PUDP: variants seen among roughly 807,000 people sequenced by gnomAD.
The protein encoded by PUDP is pseudouridine-5'-phosphatase.
PUDP carries 8 observed loss-of-function variants against 9.4 expected under a neutral mutation model. That is an observed-to-expected ratio of 0.85 (90% CI 0.50 to 1.53). PUDP has a LOEUF of 1.53. PUDP is among the 40% of genes most tolerant of loss of function. The pLI is 0.00. For missense variants in PUDP, 188 were observed against 189.7 expected, an observed-to-expected ratio of 0.99 and a Z score of 0.05; for synonymous variants, 99 against 80.7, an observed-to-expected ratio of 1.23 and a Z score of -1.22.
At chrX:6,939,802 A>G (rs1320324273) in intron 3 of PUDP, among the ~76,000 whole-genome samples, 1 of 108,161 alleles carries the variant, frequency 9.2e-6, no homozygotes, top group East Asian at 2.9e-4. Flanking sequence ...CAGGAGGGTC[A>G]AGGCCTGCAC....
chrX:7,016,039 G>A (rs1178344223), intron 1 of PUDP, among the ~76,000 whole-genome samples: 2 of 109,877 alleles, frequency 1.8e-5, no homozygotes, highest in African/African-American at 6.7e-5. Context: ...CAGGGAGAAT[G>A]GGACTCAGAA....
chrX:7,076,559 G>A (rs889189913), intron 3 of PUDP, among the ~76,000 whole-genome samples: 4 of 111,597 alleles, frequency 3.6e-5, no homozygotes, highest in African/African-American at 1.3e-4. Context: ...CTCTCTAAAC[G>A]CTCTGCCCAG....
intron 3 of PUDP, among the ~76,000 whole-genome samples, chrX:6,839,376 A>G (rs1220655446): frequency 9.0e-5 from 10 of 111,217 alleles, no homozygotes; most frequent in African/African-American, 2.3e-4. Context: ...GATCATCTGT[A>G]GGCACTGCCC....
At chrX:6,998,023 A>G (rs1276139423) in intron 1 of PUDP, among the ~76,000 whole-genome samples, 1 of 112,061 alleles carries the variant, frequency 8.9e-6, no homozygotes, top group Admixed American at 9.4e-5. Flanking sequence ...CTTTGGAGCT[A>G]AAATAATTGA....
chrX:6,804,162 C>T (rs1242208554), intron 3 of PUDP, among the ~76,000 whole-genome samples: 2 of 111,200 alleles, frequency 1.8e-5, no homozygotes, highest in African/African-American at 3.3e-5. Context: ...AATGCACACA[C>T]GCAGACACCA....
intron 3 of PUDP, among the ~76,000 whole-genome samples, chrX:6,762,484 G>C (rs1388610763): frequency 1.8e-5 from 2 of 111,825 alleles, no homozygotes; most frequent in Non-Finnish European, 3.8e-5. Flanking sequence ...ATAGAACTTT[G>C]AAAAATGTCA....
At chrX:6,916,676 A>T (rs1424806301) in intron 3 of PUDP, among the ~76,000 whole-genome samples, 1 of 111,679 alleles carries the variant, frequency 9.0e-6, no homozygotes, top group Non-Finnish European at 1.9e-5. Flanking sequence ...GCAGGAAGAT[A>T]AGGTGAAGCT....
intron 3 of PUDP, among the ~76,000 whole-genome samples, chrX:6,829,015 G>A (rs1023236120): frequency 6.3e-5 from 7 of 110,701 alleles, no homozygotes; most frequent in African/African-American, 2.3e-4. Flanking sequence ...GATGTTAGGA[G>A]GTTGGAGTTT....
At chrX:6,769,895 G>C (rs1029087066) in intron 3 of PUDP, among the ~76,000 whole-genome samples, 3 of 111,886 alleles carry the variant, frequency 2.7e-5, no homozygotes, top group African/African-American at 9.7e-5. Flanking sequence ...TGCACTGTGG[G>C]GTCTGAACAA....
chrX:7,065,903 C>T (rs758744829), intron 3 of PUDP, among the ~76,000 whole-genome samples: 8 of 112,060 alleles, frequency 7.1e-5, no homozygotes, highest in Non-Finnish European at 1.3e-4. Context: ...AGAAACAATG[C>T]CCAAATTTGC....
chrX:6,814,988 A>T (rs1163548576), intron 3 of PUDP, among the ~76,000 whole-genome samples: 1 of 109,928 alleles, frequency 9.1e-6, no homozygotes. Flanking sequence ...TCTCCTTTAA[A>T]CTCCAGGTTC....
intron 3 of PUDP, among the ~76,000 whole-genome samples, chrX:6,811,185 G>C: frequency 9.0e-6 from 1 of 111,627 alleles, no homozygotes; most frequent in Non-Finnish European, 1.9e-5. Flanking sequence ...CACTTGCACT[G>C]ACGAAGTTCT....
chrX:7,122,498 G>A (rs1439165964), intron 1 of PUDP, among the ~76,000 whole-genome samples: 1 of 111,450 alleles, frequency 9.0e-6, no homozygotes, highest in Non-Finnish European at 1.9e-5. Flanking sequence ...CTCAGACCCT[G>A]TAGATGCTGA....
At chrX:6,825,757 T>G (rs966236988) in intron 3 of PUDP, among the ~76,000 whole-genome samples, 3 of 111,068 alleles carry the variant, frequency 2.7e-5, no homozygotes, top group African/African-American at 9.8e-5. Context: ...TCTCCCATCC[T>G]GAATGCAAGC....
At chrX:6,820,046 T>G (rs1926314984) in intron 3 of PUDP, among the ~76,000 whole-genome samples, 1 of 108,525 alleles carries the variant, frequency 9.2e-6, no homozygotes, top group Non-Finnish European at 1.9e-5. Context: ...TTAATTGGAC[T>G]TAGAGTTCCA....
At chrX:6,893,029 T>C (rs1927538352) in intron 3 of PUDP, among the ~76,000 whole-genome samples, 1 of 112,351 alleles carries the variant, frequency 8.9e-6, no homozygotes. Context: ...ATTTTTGCTA[T>C]GTCATTGGGG....
intron 2 of PUDP, among the ~76,000 whole-genome samples, chrX:7,102,322 A>G (rs1931760088): frequency 9.1e-6 from 1 of 109,617 alleles, no homozygotes; most frequent in Non-Finnish European, 1.9e-5. Flanking sequence ...GGAACCAAAA[A>G]AAAAAAAAAA....
intron 3 of PUDP, among the ~76,000 whole-genome samples, chrX:6,876,762 T>C (rs757999469): frequency 2.7e-5 from 3 of 110,545 alleles, no homozygotes; most frequent in African/African-American, 9.9e-5. Context: ...TTTGTGTCTA[T>C]ACATATATGT....
At chrX:6,816,793 TA>T (rs1926246622) in intron 3 of PUDP, among the ~76,000 whole-genome samples, 1 of 95,799 alleles carries the variant, frequency 1.0e-5, no homozygotes. Flanking sequence ...ATATACTATA[TA>T]GTATATACAA....
Sources: gnomAD v4.1 joint callset for allele counts (sites outside exome capture counted in the v4.1 genomes callset) on GRCh38, gnomAD v4.1.1 for gene constraint, MANE v1.5 for transcripts, NCBI Gene and HGNC (gene_info 2026-07-23, HGNC 2026-07-21) for gene names.